The following TAF3 variants were observed in gnomAD, a reference collection of about 807,000 sequenced individuals.
TAF3 encodes the protein transcription initiation factor TFIID subunit 3.
A neutral mutation model predicts 80.6 loss-of-function variants in TAF3; 7 were observed. The ratio of observed to expected loss-of-function variants is 0.09; its 90% confidence interval spans 0.05 to 0.16. TAF3 has a LOEUF of 0.16. TAF3 is among the 10% of genes least tolerant of loss of function. The pLI is 1.00. For synonymous variants in TAF3, 444 were observed against 446.1 expected (o/e 1.00, Z 0.06); for missense variants, 921 against 1,140.2 (o/e 0.81, Z 2.77).
intron 2 of TAF3, among the ~76,000 whole-genome samples, chr10:7,922,489 T>C (rs889304093): frequency 3.9e-5 from 6 of 152,100 alleles, no homozygotes; most frequent in Non-Finnish European, 8.8e-5. Flanking sequence ...AATATCTTTT[T>C]AAATCCCAAG....
At chr10:7,999,435 A>G (rs77068362) in intron 4 of TAF3, among the ~76,000 whole-genome samples, 7,288 of 147,672 alleles carry the variant, frequency 0.049, 232 homozygotes, top group South Asian at 0.12. Flanking sequence ...TTAAAAAAAA[A>G]AAAGAAAGAA....
At chr10:8,012,377 C>T (rs1464799221) in intron 5 of TAF3, among the ~76,000 whole-genome samples, 1 of 152,146 alleles carries the variant, frequency 6.6e-6, no homozygotes, top group Non-Finnish European at 1.5e-5. Flanking sequence ...ATAAGCTACC[C>T]AGAGGTTGTT....
intron 2 of TAF3, among the ~76,000 whole-genome samples, chr10:7,863,773 CAT>C (rs1554778418): frequency 1.7e-5 from 2 of 116,582 alleles, no homozygotes; most frequent in Non-Finnish European, 1.7e-5. Flanking sequence ...ACACATGGCA[CAT>C]GTCTCCATTT....
intron 3 of TAF3, among the ~76,000 whole-genome samples, chr10:7,975,664 AGGGAG>A (rs2131419075): frequency 6.6e-6 from 1 of 152,178 alleles, no homozygotes; most frequent in South Asian, 2.1e-4. Flanking sequence ...GCATCATGCA[AGGGAG>A]CTGTCGAAGC....
intron 4 of TAF3, among the ~76,000 whole-genome samples, chr10:7,984,342 T>C (rs2077854): frequency 0.036 from 5,529 of 152,324 alleles, 155 homozygotes; most frequent in Non-Finnish European, 0.052. Context: ...GAAATACTTT[T>C]ACTGCACAGT....
intron 2 of TAF3, among the ~76,000 whole-genome samples, chr10:7,844,068 A>G (rs1224041654): frequency 1.3e-5 from 2 of 152,234 alleles, no homozygotes; most frequent in African/African-American, 2.4e-5. Context: ...TAGAAAGGAT[A>G]GTAACAATTT....
Position 7,935,453 on chromosome 10 carries a change from G to A in TAF3, c.410-28467G>A, listed in dbSNP as rs566760525. Among the ~76,000 whole-genome samples, 161 of 151,918 alleles carry A rather than the reference G, an allele frequency of 1.1e-3. 1 individual carries two copies. Among genetic ancestry groups the A allele is most frequent in the Non-Finnish European group, 1.3e-3 (86 of 67,956 alleles). ...ACAAAAAATAGCCTGGCGTGGTGGC[G>A]GGCGCCTGTAGTCCCAGCTACTCAG... On this transcript the variant is annotated intron_variant, in intron 2 of 6. Transcript: ENST00000344293.
At chr10:7,863,579 C>T (rs374802424) in intron 2 of TAF3, among the ~76,000 whole-genome samples, 1 of 134,536 alleles carries the variant, frequency 7.4e-6, no homozygotes, top group African/African-American at 2.8e-5. Flanking sequence ...CACTGCACTC[C>T]AGCCTGATGA....
At chr10:7,948,933 G>A (rs1838053540) in intron 2 of TAF3, among the ~76,000 whole-genome samples, 1 of 152,194 alleles carries the variant, frequency 6.6e-6, no homozygotes, top group Non-Finnish European at 1.5e-5. Flanking sequence ...GGGGAAAAGA[G>A]GGAAAAAAGC....
intron 3 of TAF3, among the ~76,000 whole-genome samples, chr10:7,969,710 A>G (rs1249116437): frequency 6.6e-6 from 1 of 152,210 alleles, no homozygotes; most frequent in East Asian, 1.9e-4. Flanking sequence ...ACATTCGAAT[A>G]TGATCTGGAA....
At chr10:7,878,873 A>G (rs1225239517) in intron 2 of TAF3, among the ~76,000 whole-genome samples, 1 of 152,008 alleles carries the variant, frequency 6.6e-6, no homozygotes, top group Non-Finnish European at 1.5e-5. Flanking sequence ...GACCACAGGC[A>G]CACACCACCA....
rs551626646 is a variant in TAF3, at chr10:7,830,316, C to T, written c.409+5756C>T. On this transcript the variant is annotated intron_variant, in intron 2 of 6. Transcript: ENST00000344293. ...AATAGCTTCTATGTGCCCAACCCCA[C>T]CCCACCCCTTCCTCCCTCCCTCCAA... is the stretch of plus-strand genomic sequence containing the variant. Among the ~76,000 whole-genome samples, 6 of 148,722 alleles carry T rather than the reference C, an allele frequency of 4.0e-5. No homozygotes were observed. The East Asian group carries it at 1.2e-3, about 30-fold the overall frequency.
intron 2 of TAF3, among the ~76,000 whole-genome samples, chr10:7,857,575 A>C (rs1179530626): frequency 6.6e-6 from 1 of 152,180 alleles, no homozygotes; most frequent in Non-Finnish European, 1.5e-5. Flanking sequence ...ACTTGTTCTA[A>C]TGTTTTAAAG....
chr10:7,999,434 AAAAAG>A (rs1831921789), intron 4 of TAF3, among the ~76,000 whole-genome samples: 1 of 150,180 alleles, frequency 6.7e-6, no homozygotes, highest in South Asian at 2.1e-4. Context: ...GTTAAAAAAA[AAAAAG>A]AAAGAAAGAA....
intron 4 of TAF3, among the ~76,000 whole-genome samples, chr10:7,998,878 A>C (rs1466835690): frequency 3.3e-5 from 5 of 152,112 alleles, no homozygotes; most frequent in Non-Finnish European, 7.4e-5. Flanking sequence ...TGTAGGGAGA[A>C]AATTAAAGGG....
chr10:8,003,585 T>C (rs1279053009), intron 4 of TAF3, among the ~76,000 whole-genome samples: 3 of 152,268 alleles, frequency 2.0e-5, no homozygotes, highest in Non-Finnish European at 4.4e-5. Flanking sequence ...TCTGTTGATA[T>C]GATTTCAGAT....
chr10:7,838,205 A>G (rs992770504), intron 2 of TAF3, among the ~76,000 whole-genome samples: 2 of 152,174 alleles, frequency 1.3e-5, no homozygotes, highest in African/African-American at 4.8e-5. Flanking sequence ...GGTACCTGCC[A>G]TGAGTCGGAT....
intron 4 of TAF3, among the ~76,000 whole-genome samples, chr10:7,980,615 C>T (rs564415939): frequency 6.6e-6 from 1 of 152,288 alleles, no homozygotes; most frequent in African/African-American, 2.4e-5. Flanking sequence ...AAAACCTAAC[C>T]CTGAAATTAC....
At chr10:7,975,831 A>G (rs897808105) in intron 3 of TAF3, among the ~76,000 whole-genome samples, 1 of 152,262 alleles carries the variant, frequency 6.6e-6, no homozygotes, top group East Asian at 1.9e-4. Context: ...TAGAACCACT[A>G]TACTGTTCAA....
Sources: gnomAD v4.1 joint callset for allele counts (sites outside exome capture counted in the v4.1 genomes callset) on GRCh38, gnomAD v4.1.1 for gene constraint, MANE v1.5 for transcripts, NCBI Gene and HGNC (gene_info 2026-07-23, HGNC 2026-07-21) for gene names.